KIFC2: variants seen among roughly 807,000 people sequenced by gnomAD.
KIFC2 encodes kinesin family member C2.
A neutral mutation model predicts 91.5 loss-of-function variants in KIFC2; 94 were observed. The ratio of observed to expected loss-of-function variants is 1.03; its 90% confidence interval spans 0.87 to 1.22. KIFC2 has a LOEUF of 1.22. KIFC2 is among the 50% of genes most tolerant of loss of function. The pLI, the probability that KIFC2 is intolerant of heterozygous loss-of-function variation, is 0.00. For synonymous variants in KIFC2, 729 were observed against 503.9 expected (o/e 1.45, Z -5.98); for missense variants, 1,357 against 1,103.3 (o/e 1.23, Z -3.26).
At position 144,467,745 on chromosome 8, in the gene KIFC2, A is replaced by T; in HGVS notation, c.647A>T (p.Gln216Leu). 1.2e-6 allele frequency: 2 copies of T among 1,613,862 alleles called. No individual in the cohort carries two copies. Among genetic ancestry groups the T allele is most frequent in the East Asian group, 4.5e-5 (2 of 44,886 alleles). Residue 216 changes from glutamine to leucine, a missense_variant, in exon 6 of 18, where the codon CAG becomes CTG. Coordinates refer to ENST00000645548, the MANE Select transcript of KIFC2 (RefSeq NM_001369769.2). ...LEELKQQLEQ[Q>L]EEELGRLRLG... The stretch of plus-strand genomic sequence containing the variant: ...GAGCTGAAGCAGCAGCTGGAACAGC[A>T]GGAGGAGGAGTTGGGTCGACTGCGC...
Position 144,473,557 on chromosome 8 carries a change from G to A in KIFC2, c.*168G>A. On this transcript the variant is annotated 3_prime_UTR_variant, in exon 18 of 18. Transcript: ENST00000645548. ...CCTCCACCTCCGCAGCCAGTGAAGT[G>A]TGTTGTGCCTGCTGAAGTGATCACC... 7 of 1,090,390 alleles carry A rather than the reference G, an allele frequency of 6.4e-6. No individual in the cohort carries two copies. The South Asian group carries it at 1.1e-4, about 16-fold the overall frequency. 67.5% of individuals were successfully genotyped at this position (1,090,390 alleles called of 1,614,324 possible). A position where few individuals can be genotyped will look rare whatever the true frequency, so the allele number is the denominator to read the frequency against.
At position 144,469,305 on chromosome 8, in the gene KIFC2, G is replaced by A. The variant is rs778522264; in HGVS notation, c.1148G>A (p.Gly383Glu). The change falls in exon 11 of 18, where the codon GGG (glycine) becomes GAG (glutamate). Residue 383 changes from glycine (G) to glutamate (E), a missense_variant. Transcript: ENST00000645548. ...GCCTTGGGGGCACTGTCATCTGGAG[G>A]GCCTGGCACTCAGCTCCCTGAGGGG... ...SWALGALSSG[G>E]PGTQLPEGQQ... The A allele has an allele frequency of 1.9e-6, 3 of 1,603,848 alleles. No individual in the cohort carries two copies. The highest frequency in any genetic ancestry group is 4.5e-5 in the East Asian group (2 of 44,606).
intron 7 of KIFC2, 113 bp downstream of exon 7, chr8:144,468,100 C>A: frequency 7.4e-7 from 1 of 1,346,534 alleles, no homozygotes; most frequent in Non-Finnish European, 9.9e-7. Context: ...CTGTGTAGGG[C>A]AGCCCCATCA....
intron 13 of KIFC2, 32 bp downstream of exon 13, chr8:144,472,078 G>A (rs1824949143): frequency 1.2e-6 from 2 of 1,613,130 alleles, no homozygotes; most frequent in East Asian, 4.5e-5. Flanking sequence ...AGTGGGAGAG[G>A]CCCCAGGGGC....
At position 144,468,251 on chromosome 8, in the gene KIFC2, G is replaced by C. The variant is rs891130263; in HGVS notation, c.811-78G>C. On this transcript the variant is annotated intron_variant, in intron 7 of 17. Transcript: ENST00000645548. ...TCACAGCCAGCTCTGCCCACCTCTTGACTTGACTTTCCCATCTGTGAAATG... is the reference window on the plus strand; with the variant it reads ...TCACAGCCAGCTCTGCCCACCTCTTCACTTGACTTTCCCATCTGTGAAATG... 2.2e-5 allele frequency: 29 copies of C among 1,345,944 alleles called. No individual in the cohort carries two copies. In the East Asian group the frequency reaches 6.8e-4, roughly 31 times the overall value. 83.4% of individuals were successfully genotyped at this position (1,345,944 alleles called of 1,614,324 possible).
chr8:144,468,952 G>T (rs934590349), intron 10 of KIFC2, 118 bp downstream of exon 10: 1 of 777,056 alleles, frequency 1.3e-6, no homozygotes, highest in Non-Finnish European at 2.1e-6. Context: ...AACCCAAACA[G>T]CTTCTGTGTG....
At chr8:144,466,664 A>T in intron 1 of KIFC2, 96 bp from the exon 2 acceptor site, 2 of 1,102,982 alleles carry the variant, frequency 1.8e-6, no homozygotes, top group Non-Finnish European at 1.2e-6. Flanking sequence ...CTGGAAGCGT[A>T]GACTTCGGCC....
Position 144,466,776 on chromosome 8 carries a change from G to T in KIFC2, c.116G>T (p.Arg39Leu). 6.5e-7 allele frequency: 1 copy of T among 1,532,562 alleles called. No individual in the cohort carries two copies. The highest frequency in any genetic ancestry group is 8.7e-7 in the Non-Finnish European group (1 of 1,146,592). 94.9% of individuals were successfully genotyped at this position (1,532,562 alleles called of 1,614,324 possible). Residue 39 changes from arginine (R) to leucine (L), a missense_variant, in exon 2 of 18, where the codon CGG becomes CTG. Physicochemically the swap from Arg to Leu is moderately radical, Grantham distance 102 (BLOSUM62 -2). Transcript: ENST00000645548. The part of the protein sequence containing the change: ...GDPAQRARKP[R>L]GRRRPDLPAP... The stretch of plus-strand genomic sequence containing the variant: ...CCTCCCTAGAGAGCCCGCAAGCCCC[G>T]GGGTCGCCGGCGCCCAGACCTGCCC...
In KIFC2 at chr8:144,466,854, G is replaced by T; in HGVS notation, c.178+16G>T. On this transcript the variant is annotated intron_variant, in intron 2 of 17. Coordinates refer to ENST00000645548, the MANE Select transcript of KIFC2 (RefSeq NM_001369769.2). ...GGCCTGGCCGGTAGGTGCGGGCTGG[G>T]AGTCCCGCGGTGCGAGGGCGGTGCC... 1 of 1,536,708 alleles carries T rather than the reference G, an allele frequency of 6.5e-7. No homozygotes were observed. Among genetic ancestry groups the T allele is most frequent in the Non-Finnish European group, 8.7e-7 (1 of 1,147,910 alleles).
chr8:144,470,015 C>T (rs561432851), intron 12 of KIFC2, among the ~76,000 whole-genome samples: 3 of 152,404 alleles, frequency 2.0e-5, no homozygotes, highest in South Asian at 2.1e-4. Context: ...TCCCACTCTC[C>T]TTCCCCACCC....
In KIFC2 at chr8:144,467,752, G is replaced by A. The variant is rs781371651; in HGVS notation, c.654G>A (p.Glu218=). 1.2e-5 allele frequency: 19 copies of A among 1,613,796 alleles called. No individual in the cohort carries two copies. Among genetic ancestry groups the A allele is most frequent in the Admixed American group, 8.3e-5 (5 of 60,002 alleles). The change falls in exon 6 of 18, where the codon GAG becomes GAA. Residue 218 remains glutamate, a synonymous_variant. Coordinates refer to ENST00000645548, the MANE Select transcript of KIFC2 (RefSeq NM_001369769.2). ...ELKQQLEQQE[E]ELGRLRLGVG... The stretch of plus-strand genomic sequence containing the variant: ...AGCAGCAGCTGGAACAGCAGGAGGA[G>A]GAGTTGGGTCGACTGCGCCTGGGCG...
Position 144,468,314 on chromosome 8 carries a change from C to T in KIFC2, c.811-15C>T, listed in dbSNP as rs187023270. ...GTCCCTCTCTGAGTCCCTCCTGGCC[C>T]CCACCCTCCCGCAGGAGGAGGCAGA... On this transcript the variant is annotated splice_polypyrimidine_tract_variant and intron_variant, in intron 7 of 17. Coordinates refer to ENST00000645548, the MANE Select transcript of KIFC2 (RefSeq NM_001369769.2). 1.0e-4 allele frequency: 163 copies of T among 1,602,160 alleles called. 2 individuals carry two copies. The East Asian group carries it at 2.9e-3, about 29-fold the overall frequency.
At chr8:144,466,628 C>A in intron 1 of KIFC2, 110 bp downstream of exon 1, 1 of 903,670 alleles carries the variant, frequency 1.1e-6, no homozygotes, top group Non-Finnish European at 1.5e-6. Flanking sequence ...GGGGCCGTGC[C>A]GAGGACCCTC....
intron 7 of KIFC2, 74 bp downstream of exon 7, chr8:144,468,061 C>T (rs918877928): frequency 2.7e-6 from 4 of 1,459,290 alleles, no homozygotes; most frequent in Non-Finnish European, 3.6e-6. Flanking sequence ...CCACAGGGCC[C>T]GAGCCTCCTC....
Position 144,473,567 on chromosome 8 carries a change from T to A in KIFC2, c.*178T>A. The A allele has an allele frequency of 1.0e-6, 1 of 976,468 alleles. No individual in the cohort carries two copies. The highest frequency in any genetic ancestry group is 1.4e-6 in the Non-Finnish European group (1 of 696,964). 60.5% of individuals were successfully genotyped at this position (976,468 alleles called of 1,614,324 possible). On this transcript the variant is annotated 3_prime_UTR_variant, in exon 18 of 18. Coordinates refer to ENST00000645548, the MANE Select transcript of KIFC2 (RefSeq NM_001369769.2). Reference sequence around the variant, plus strand: ...CGCAGCCAGTGAAGTGTGTTGTGCCTGCTGAAGTGATCACCCCCCGCCCCC... The same window carrying A: ...CGCAGCCAGTGAAGTGTGTTGTGCCAGCTGAAGTGATCACCCCCCGCCCCC...
intron 7 of KIFC2, 119 bp downstream of exon 7, chr8:144,468,106 C>T: frequency 5.3e-6 from 7 of 1,324,868 alleles, no homozygotes; most frequent in Non-Finnish European, 6.0e-6. Context: ...AGGGCAGCCC[C>T]ATCAGGGAGG....
At chr8:144,469,730 G>A (rs1216974298) in intron 12 of KIFC2, 83 bp downstream of exon 12, 1 of 1,468,844 alleles carries the variant, frequency 6.8e-7, no homozygotes, top group Non-Finnish European at 9.1e-7. Context: ...CCCCTTCCCA[G>A]TCTGGGTGTC....
Position 144,467,511 on chromosome 8 carries a change from T to C in KIFC2, c.496T>C (p.Ser166Pro). ...DGSTSQEESP[S>P]HFTAVPGEPL... ...ATCCACATCCCAAGAAGAAAGCCCT[T>C]CCCACTTCACCGCAGTCCCAGGCGA... Residue 166 changes from serine (S) to proline (P), a missense_variant, in exon 5 of 18, where the codon TCC becomes CCC. By Grantham distance (74) the Ser-to-Pro change is moderately conservative. Transcript: ENST00000645548. 1.3e-6 allele frequency: 2 copies of C among 1,588,042 alleles called. No homozygotes were observed. Among genetic ancestry groups the C allele is most frequent in the Non-Finnish European group, 1.7e-6 (2 of 1,168,830 alleles).
At chr8:144,468,280 CCA>C (rs1824770917) in intron 7 of KIFC2, 47 bp from the exon 8 acceptor site, 1 of 1,503,622 alleles carries the variant, frequency 6.7e-7, no homozygotes, top group South Asian at 1.2e-5. Flanking sequence ...TGAAATGGTA[CCA>C]CAGACCGTCC....
Sources: allele counts gnomAD v4.1 joint callset (sites outside exome capture counted in the v4.1 genomes callset), GRCh38; gene constraint gnomAD v4.1.1; transcripts MANE v1.5; gene names NCBI Gene and HGNC (gene_info 2026-07-23, HGNC 2026-07-21).